Variants in ATP1B1 observed in about 807,000 individuals in gnomAD.
The protein encoded by ATP1B1 is sodium/potassium-transporting ATPase subunit beta-1.
A neutral mutation model predicts 39.6 loss-of-function variants in ATP1B1; 3 were observed. The observed-to-expected ratio is 0.08, with a 90% CI of 0.03 to 0.20. The LOEUF is 0.20. Ranked by LOEUF, ATP1B1 falls within the 10% of genes least tolerant of loss-of-function variation. The pLI, the probability that ATP1B1 is intolerant of heterozygous loss-of-function variation, is 1.00. For synonymous variants in ATP1B1, 139 were observed against 135.0 expected (o/e 1.03, Z -0.20); for missense variants, 216 against 371.1 (o/e 0.58, Z 3.43).
chr1:169,117,378 C>A (rs60605202), intron 2 of ATP1B1, among the ~76,000 whole-genome samples: 2,112 of 152,240 alleles, frequency 0.014, 47 homozygotes, highest in African/African-American at 0.048. Context: ...GTGGTGATTT[C>A]TTTATTTCTA....
chr1:169,123,215 T>G (rs1371027759), intron 2 of ATP1B1, among the ~76,000 whole-genome samples: 1 of 152,212 alleles, frequency 6.6e-6, no homozygotes, highest in Non-Finnish European at 1.5e-5. Flanking sequence ...ACTCTCAGAT[T>G]ATAATTCCCT....
In ATP1B1 at chr1:169,132,581, C is replaced by A; in HGVS notation, c.*1026C>A. 2.1e-6 allele frequency: 1 copy of A among 475,214 alleles called. No homozygotes were observed. The allele number at this position is 475,214 out of a possible 1,614,324, so 29.4% of individuals were successfully genotyped here. ...GAACTTTATAAAAAGCAATGCAGTA[C>A]CCCATAGACTGGTGTTAAATGTTGT... On this transcript the variant is annotated 3_prime_UTR_variant, in exon 6 of 6. Coordinates refer to ENST00000367815, the MANE Select transcript of ATP1B1 (RefSeq NM_001677.4).
At chr1:169,116,722 G>A (rs1206991318) in intron 2 of ATP1B1, among the ~76,000 whole-genome samples, 1 of 151,864 alleles carries the variant, frequency 6.6e-6, no homozygotes, top group African/African-American at 2.4e-5. Context: ...GTGATGGCAG[G>A]CACCTCTAAT....
chr1:169,126,318 G>A (rs1658084063), intron 3 of ATP1B1, among the ~76,000 whole-genome samples: 1 of 146,640 alleles, frequency 6.8e-6, no homozygotes, highest in African/African-American at 2.5e-5. Flanking sequence ...TAGTTCATTT[G>A]TGAATTTAAA....
intron 4 of ATP1B1, 137 bp from the exon 5 acceptor site, chr1:169,129,873 C>G: frequency 1.4e-6 from 1 of 691,956 alleles, no homozygotes; most frequent in Non-Finnish European, 2.3e-6. Flanking sequence ...ATTCATTCTG[C>G]TGTCCTGATG....
chr1:169,130,021 T>C lies in ATP1B1; in HGVS notation c.579T>C (p.Asn193=). ...GGTTTTATTTTTAGCCTCCCAAGAA[T>C]GAGTCCTTGGAGACTTACCCAGTGA... ...VLGFKPKPPK[N]ESLETYPVMK... Residue 193 remains asparagine, a synonymous_variant, in exon 5 of 6, where the codon AAT becomes AAC. Coordinates refer to ENST00000367815, the MANE Select transcript of ATP1B1 (RefSeq NM_001677.4). 2 of 1,613,772 alleles carry C rather than the reference T, an allele frequency of 1.2e-6. No homozygotes were observed. Among genetic ancestry groups the C allele is most frequent in the Non-Finnish European group, 8.5e-7 (1 of 1,179,766 alleles).
intron 2 of ATP1B1, among the ~76,000 whole-genome samples, chr1:169,115,694 T>G (rs1657830117): frequency 6.6e-6 from 1 of 152,200 alleles, no homozygotes; most frequent in Non-Finnish European, 1.5e-5. Context: ...AGCAGTTTCT[T>G]CTTTTTGGAC....
rs925714794 is a variant in ATP1B1, at chr1:169,106,704, A to C, written c.-126A>C. The stretch of plus-strand genomic sequence containing the variant: ...GCGCGTCTCGCACTCCGAGAGCCGC[A>C]GCGGCAGCGGCGCGTCCTGCCTGCA... On this transcript the variant is annotated 5_prime_UTR_variant, in exon 1 of 6. Coordinates refer to ENST00000367815, the MANE Select transcript of ATP1B1 (RefSeq NM_001677.4). The C allele has an allele frequency of 1.7e-6, 1 of 574,624 alleles. No individual in the cohort carries two copies. The highest frequency in any genetic ancestry group is 2.1e-5 in the African/African-American group (1 of 47,818). 35.6% of individuals were successfully genotyped at this position (574,624 alleles called of 1,614,324 possible). A position where few individuals can be genotyped will look rare whatever the true frequency, so the allele number is the denominator to read the frequency against.
chr1:169,106,926 T>C lies in ATP1B1; in HGVS notation c.97T>C (p.Phe33Leu), dbSNP rs776974246. Residue 33 changes from phenylalanine (F) to leucine (L), a missense_variant and splice_region_variant, in exon 1 of 6, where the codon TTT (phenylalanine) becomes CTT (leucine). Physicochemically the swap from Phe to Leu is conservative, Grantham distance 22 (BLOSUM62 0). Coordinates refer to ENST00000367815, the MANE Select transcript of ATP1B1 (RefSeq NM_001677.4). ...TCTGGGCAGGACCGGTGGCAGTTGG[T>C]GTAAGTACGGGGTCCGCAGCTCCCG... ...EFLGRTGGSW[F>L]KILLFYVIFY... The C allele has an allele frequency of 6.3e-7, 1 of 1,577,544 alleles. No individual in the cohort carries two copies. The highest frequency in any genetic ancestry group is 1.8e-5 in the Admixed American group (1 of 56,108).
intron 2 of ATP1B1, among the ~76,000 whole-genome samples, chr1:169,114,146 CATTTTTCAATGCCAAGGACCCTCCT>C (rs1657788915): frequency 8.9e-6 from 1 of 112,782 alleles, no homozygotes; most frequent in Non-Finnish European, 2.0e-5. Flanking sequence ...CCCTCCTTGG[CATTTTTCAATGCCAAGGACCCTCCT>C]TGGCATTTTT....
chr1:169,122,726 ACAT>A (rs1369118268), intron 2 of ATP1B1, among the ~76,000 whole-genome samples: 14 of 138,016 alleles, frequency 1.0e-4, no homozygotes, highest in African/African-American at 3.4e-4. Context: ...TTCAGGTTCT[ACAT>A]CATCCTTTTC....
chr1:169,114,948 TC>T lies in ATP1B1; in HGVS notation c.226+3452del, dbSNP rs143517793. 9.0e-3 allele frequency among the ~76,000 whole-genome samples: 1,366 copies of T among 151,898 alleles called. 18 individuals are homozygous for T. Among genetic ancestry groups the T allele is most frequent in the African/African-American group, 0.031 (1,303 of 41,436 alleles). On this transcript the variant is annotated intron_variant, in intron 2 of 5. Coordinates refer to ENST00000367815, the MANE Select transcript of ATP1B1 (RefSeq NM_001677.4). ...GACTCACGTCTGTAATCCCAGCACT[TC>T]CGAGGCAGGCGGATCATGAGGTCAG...
At chr1:169,124,763 C>T (rs1658052973) in intron 2 of ATP1B1, 121 bp from the exon 3 acceptor site, 2 of 1,122,900 alleles carry the variant, frequency 1.8e-6, no homozygotes, top group South Asian at 1.5e-5. Flanking sequence ...ACAAGGGAGG[C>T]AAGACCCTTT....
chr1:169,124,848 C>T, intron 2 of ATP1B1, 36 bp from the exon 3 acceptor site: 1 of 1,598,362 alleles, frequency 6.3e-7, no homozygotes, highest in African/African-American at 1.3e-5. Flanking sequence ...TTCGTTTCTG[C>T]CTTCCTACTA....
At chr1:169,107,000 C>A in intron 1 of ATP1B1, 74 bp downstream of exon 1, 2 of 1,418,502 alleles carry the variant, frequency 1.4e-6, no homozygotes, top group Non-Finnish European at 1.9e-6. Flanking sequence ...GCGCAGGGTC[C>A]GCGGCCGGTT....
At chr1:169,117,572 TG>T (rs1021941730) in intron 2 of ATP1B1, among the ~76,000 whole-genome samples, 3 of 150,118 alleles carry the variant, frequency 2.0e-5, no homozygotes, top group Admixed American at 6.6e-5. Flanking sequence ...GGAGTGATGG[TG>T]GGGGAAAAAA....
At chr1:169,118,237 G>A (rs1198490094) in intron 2 of ATP1B1, among the ~76,000 whole-genome samples, 1 of 152,232 alleles carries the variant, frequency 6.6e-6, no homozygotes, top group East Asian at 1.9e-4. Flanking sequence ...CTAAATCAGA[G>A]TTCACGGCAT....
intron 2 of ATP1B1, among the ~76,000 whole-genome samples, chr1:169,115,628 C>T (rs1382194396): frequency 6.6e-6 from 1 of 152,072 alleles, no homozygotes; most frequent in Admixed American, 6.5e-5. Flanking sequence ...GGATTACAGG[C>T]GTGAGCCACC....
At chr1:169,123,508 C>T (rs956613036) in intron 2 of ATP1B1, among the ~76,000 whole-genome samples, 7 of 151,836 alleles carry the variant, frequency 4.6e-5, no homozygotes, top group Admixed American at 4.6e-4. Context: ...GGAGTAGAAT[C>T]AAGTTGCCAG....
Sources: allele counts gnomAD v4.1 joint callset (sites outside exome capture counted in the v4.1 genomes callset), GRCh38; gene constraint gnomAD v4.1.1; transcripts MANE v1.5; gene names NCBI Gene and HGNC (gene_info 2026-07-23, HGNC 2026-07-21).